COPS3: variants seen among roughly 807,000 people sequenced by gnomAD.
COPS3 encodes the protein COP9 signalosome subunit 3.
In COPS3, 10 loss-of-function variants were observed where a neutral mutation model predicts 58.2. The observed-to-expected ratio is 0.17, with a 90% CI of 0.11 to 0.29. The LOEUF (loss-of-function observed/expected upper bound fraction) is 0.29. Among genes scored for constraint, COPS3 ranks in the 10% least tolerant of loss-of-function variants. COPS3 has a pLI of 1.00. For missense variants in COPS3, 333 were observed against 510.1 expected (o/e 0.65, Z 3.34); for synonymous variants, 187 against 181.7 (o/e 1.03, Z -0.24).
chr17:17,259,940 A>AAC (rs2048056697), intron 8 of COPS3, among the ~76,000 whole-genome samples: 1 of 151,040 alleles, frequency 6.6e-6, no homozygotes, highest in African/African-American at 2.4e-5. Context: ...GCACAGACAG[A>AAC]ACAGACAGGT....
chr17:17,270,144 G>A (rs546228671), intron 4 of COPS3, among the ~76,000 whole-genome samples: 11 of 149,178 alleles, frequency 7.4e-5, no homozygotes, highest in East Asian at 6.1e-4. Context: ...GCATCAGAGC[G>A]AGACTCTGTC....
chr17:17,248,057 G>C (rs889759186), intron 10 of COPS3, among the ~76,000 whole-genome samples: 1 of 152,124 alleles, frequency 6.6e-6, no homozygotes, highest in South Asian at 2.1e-4. Context: ...TTGCCTAAAG[G>C]GGACCGTCAG....
rs759732849 is a variant in COPS3 at position 17,247,933 on chromosome 17, G to C, written c.1138-373C>G. The C allele has an allele frequency of 3.4e-4, 55 of 164,124 alleles. 1 individual carries two copies. Among genetic ancestry groups the C allele is most frequent in the South Asian group, 3.3e-4 (2 of 6,098 alleles). 10.2% of individuals were successfully genotyped at this position (164,124 alleles called of 1,614,324 possible). A position where few individuals can be genotyped will look rare whatever the true frequency, so the allele number is the denominator to read the frequency against. On this transcript the variant is annotated intron_variant, in intron 10 of 11. Transcript: ENST00000268717. Reference sequence around the variant, plus strand: ...GATTTAATATTCAGTTCACTTCCCTGCTCAGAGGTAAGAAACACAGACCAC... The same window carrying C: ...GATTTAATATTCAGTTCACTTCCCTCCTCAGAGGTAAGAAACACAGACCAC...
chr17:17,273,085 T>C (rs938257186), intron 2 of COPS3, among the ~76,000 whole-genome samples: 7 of 152,202 alleles, frequency 4.6e-5, no homozygotes, highest in Non-Finnish European at 1.0e-4. Context: ...GATATTGTGG[T>C]TGTCATGACA....
At chr17:17,249,094 T>A (rs137898777) in intron 9 of COPS3, 55 bp from the exon 10 acceptor site, 1 of 906,108 alleles carries the variant, frequency 1.1e-6, no homozygotes, top group South Asian at 1.5e-5. Context: ...GAATGCTATA[T>A]GAATAGTCAT....
At chr17:17,265,913 T>G (rs2048211917) in intron 5 of COPS3, among the ~76,000 whole-genome samples, 1 of 152,190 alleles carries the variant, frequency 6.6e-6, no homozygotes. Context: ...TTCCTTTAAT[T>G]AATCCTTTAG....
In COPS3 at chr17:17,262,104, A is replaced by G; in HGVS notation, c.624T>C (p.Ala208=). ...TGACCGCCATGGCAGGAGTAGTTAT[A>G]GCCTAGGCAAGAGAAGAATGCTTGC... is the stretch of plus-strand genomic sequence containing the variant. ...FERALYFYEQ[A]ITTPAMAVSH... Residue 208 remains alanine (A), a splice_region_variant and synonymous_variant, in exon 7 of 12, where the codon GCT becomes GCC. Transcript: ENST00000268717. 6.2e-7 allele frequency: 1 copy of G among 1,606,272 alleles called. No individual in the cohort carries two copies. The highest frequency in any genetic ancestry group is 8.5e-7 in the Non-Finnish European group (1 of 1,177,980).
chr17:17,276,397 C>A (rs1319429442), intron 1 of COPS3, among the ~76,000 whole-genome samples: 1 of 151,238 alleles, frequency 6.6e-6, no homozygotes, highest in Non-Finnish European at 1.5e-5. Flanking sequence ...CTGAATGTTT[C>A]ACCTTTTTCT....
chr17:17,261,603 T>TAATC (rs1250324404), intron 7 of COPS3: 2 of 408,224 alleles, frequency 4.9e-6, no homozygotes, highest in Non-Finnish European at 9.5e-6. Context: ...CACACACCTG[T>TAATC]AATCCCAGCA....
chr17:17,256,036 G>A (rs978622287), intron 8 of COPS3, among the ~76,000 whole-genome samples: 20 of 149,762 alleles, frequency 1.3e-4, no homozygotes, highest in Middle Eastern at 3.4e-3. Context: ...AAAATTAGCC[G>A]GGCGTGGTGG....
chr17:17,249,225 T>C (rs746749138), intron 9 of COPS3, among the ~76,000 whole-genome samples, 186 bp from the exon 10 acceptor site: 5 of 152,244 alleles, frequency 3.3e-5, no homozygotes, highest in Non-Finnish European at 7.3e-5. Context: ...GGCACCATTA[T>C]AGATGCTAAG....
chr17:17,257,003 CACAA>C (rs111780806), intron 8 of COPS3, among the ~76,000 whole-genome samples: 18 of 152,250 alleles, frequency 1.2e-4, no homozygotes, highest in African/African-American at 3.1e-4. Flanking sequence ...AGTAGTTTAA[CACAA>C]ACAAAGACTC....
At chr17:17,262,302 C>G (rs1021787487) in intron 6 of COPS3, among the ~76,000 whole-genome samples, 196 bp from the exon 7 acceptor site, 1 of 152,156 alleles carries the variant, frequency 6.6e-6, no homozygotes, top group African/African-American at 2.4e-5. Flanking sequence ...GCTCTGTCAT[C>G]TAGGCTGGAG....
intron 4 of COPS3, among the ~76,000 whole-genome samples, chr17:17,269,619 T>A (rs1265288343): frequency 2.0e-5 from 3 of 151,970 alleles, no homozygotes; most frequent in Non-Finnish European, 4.4e-5. Flanking sequence ...ACTAAATAAA[T>A]TTTTTAAAAA....
intron 1 of COPS3, chr17:17,280,609 A>C (rs1244171769): frequency 7.7e-7 from 1 of 1,302,484 alleles, no homozygotes; most frequent in Non-Finnish European, 1.0e-6. Flanking sequence ...TAGGACCAAA[A>C]TAGGCGCACA....
Position 17,254,957 on chromosome 17 carries a change from A to G in COPS3, c.937-12T>C. On this transcript the variant is annotated splice_polypyrimidine_tract_variant and intron_variant, in intron 8 of 11. Coordinates refer to ENST00000268717, the MANE Select transcript of COPS3 (RefSeq NM_003653.4). ...AGAGTTAAAAAGGTCTGAAAGTCAGAAGCAGAATTAGTCACAGGTAGGAAC... is the reference window on the plus strand; with the variant it reads ...AGAGTTAAAAAGGTCTGAAAGTCAGGAGCAGAATTAGTCACAGGTAGGAAC... 1.9e-6 allele frequency: 3 copies of G among 1,590,296 alleles called. No homozygotes were observed. The highest frequency in any genetic ancestry group is 2.6e-6 in the Non-Finnish European group (3 of 1,159,420).
intron 8 of COPS3, 40 bp from the exon 9 acceptor site, chr17:17,254,985 CGAAG>C (rs759564937): frequency 3.9e-5 from 54 of 1,390,850 alleles, no homozygotes; most frequent in African/African-American, 3.0e-4. Flanking sequence ...GTAGGAACAA[CGAAG>C]GAAGGACATT....
chr17:17,263,345 C>T lies in COPS3; in HGVS notation c.622-1239G>A, dbSNP rs183204156. Among the ~76,000 whole-genome samples, 310 of 151,014 alleles carry T rather than the reference C, an allele frequency of 2.1e-3. 1 individual carries two copies. The highest frequency in any genetic ancestry group is 7.0e-3 in the African/African-American group (288 of 41,238). On this transcript the variant is annotated intron_variant, in intron 6 of 11. Transcript: ENST00000268717. ...TCTCCTGAGTAGCTGGGATTACAGGCGCCTGCTGCCAGGCCCAGCTAATTT... is the reference window on the plus strand; with the variant it reads ...TCTCCTGAGTAGCTGGGATTACAGGTGCCTGCTGCCAGGCCCAGCTAATTT...
intron 2 of COPS3, 72 bp downstream of exon 2, chr17:17,275,963 A>T: frequency 1.4e-6 from 2 of 1,381,310 alleles, no homozygotes; most frequent in Non-Finnish European, 2.0e-6. Context: ...ATAAATAAAT[A>T]AAAATAAAGC....
Sources: allele counts gnomAD v4.1 joint callset (sites outside exome capture counted in the v4.1 genomes callset), GRCh38; gene constraint gnomAD v4.1.1; transcripts MANE v1.5; gene names NCBI Gene and HGNC (gene_info 2026-07-23, HGNC 2026-07-21).